The following MYRFL variants were observed in gnomAD, a reference collection of about 807,000 sequenced individuals.
The protein encoded by MYRFL is myelin regulatory factor-like protein.
A neutral mutation model predicts 109.4 loss-of-function variants in MYRFL; 88 were observed. The observed-to-expected ratio is 0.80, with a 90% CI of 0.68 to 0.96. The LOEUF (loss-of-function observed/expected upper bound fraction) is 0.96. Ranked by LOEUF, MYRFL falls within the 40% of genes least tolerant of loss-of-function variation. The pLI, the probability that MYRFL is intolerant of heterozygous loss-of-function variation, is 0.00. For missense variants in MYRFL, 957 were observed against 954.9 expected (o/e 1.00, Z -0.03); for synonymous variants, 324 against 320.9 (o/e 1.01, Z -0.10).
chr12:69,845,306 T>C (rs1482745692), intron 1 of MYRFL, among the ~76,000 whole-genome samples: 1 of 152,192 alleles, frequency 6.6e-6, no homozygotes. Flanking sequence ...CAGAACTTTG[T>C]GCAATGCTTG....
chr12:69,840,386 AT>A (rs1354683757), intron 1 of MYRFL, among the ~76,000 whole-genome samples: 5 of 152,212 alleles, frequency 3.3e-5, no homozygotes, highest in Non-Finnish European at 7.3e-5. Context: ...TGATTCTAGC[AT>A]AATTTCCTCT....
Position 69,958,428 on chromosome 12 carries a change from T to C in MYRFL, c.2647-17T>C, listed in dbSNP as rs1956143530. ...TTTACATTAATCTTCCTTTTTTTTTTTCTCCTTTTCTGACAGGATTTAGCT... is the reference window on the plus strand; with the variant it reads ...TTTACATTAATCTTCCTTTTTTTTTCTCTCCTTTTCTGACAGGATTTAGCT... On this transcript the variant is annotated splice_polypyrimidine_tract_variant and intron_variant, in intron 24 of 24. Coordinates refer to ENST00000552032, the MANE Select transcript of MYRFL (RefSeq NM_182530.3). 4.0e-6 allele frequency: 6 copies of C among 1,516,696 alleles called. No homozygotes were observed. The highest frequency in any genetic ancestry group is 1.7e-4 in the Middle Eastern group (1 of 5,870). The allele number at this position is 1,516,696 out of a possible 1,614,324, so 94.0% of individuals were successfully genotyped here. A position where few individuals can be genotyped will look rare whatever the true frequency, so the allele number is the denominator to read the frequency against.
chr12:69,892,040 A>G (rs1341038272), intron 7 of MYRFL, among the ~76,000 whole-genome samples: 1 of 152,192 alleles, frequency 6.6e-6, no homozygotes, highest in African/African-American at 2.4e-5. Flanking sequence ...TGATAGTTTT[A>G]TAGTTTTCAG....
chr12:69,859,748 A>G (rs1242458698), intron 2 of MYRFL, among the ~76,000 whole-genome samples: 1 of 152,190 alleles, frequency 6.6e-6, no homozygotes, highest in African/African-American at 2.4e-5. Context: ...TAGAATGGCA[A>G]TCATTAAAAA....
chr12:69,840,682 C>T (rs1883194879), intron 1 of MYRFL, among the ~76,000 whole-genome samples: 1 of 152,178 alleles, frequency 6.6e-6, no homozygotes, highest in Admixed American at 6.5e-5. Context: ...CGAGAGTCTC[C>T]TAATCTGCCG....
At chr12:69,866,736 T>G (rs533884160) in intron 2 of MYRFL, among the ~76,000 whole-genome samples, 2 of 152,286 alleles carry the variant, frequency 1.3e-5, no homozygotes, top group South Asian at 2.1e-4. Flanking sequence ...AGGCAGATTT[T>G]CAGATCTTAA....
intron 1 of MYRFL, among the ~76,000 whole-genome samples, chr12:69,851,874 C>G (rs924399921): frequency 1.3e-5 from 2 of 152,134 alleles, no homozygotes; most frequent in African/African-American, 4.8e-5. Context: ...GTTGCCCAGG[C>G]TGGTCTCCAA....
intron 19 of MYRFL, among the ~76,000 whole-genome samples, chr12:69,947,334 A>G (rs2068155): frequency 0.31 from 47,594 of 151,950 alleles, 7,782 homozygotes; most frequent in East Asian, 0.48. Flanking sequence ...AGGGAAATCA[A>G]CATTTTTATG....
intron 5 of MYRFL, among the ~76,000 whole-genome samples, 191 bp from the exon 6 acceptor site, chr12:69,886,629 A>G (rs1732696): frequency 0.38 from 57,531 of 151,836 alleles, 12,041 homozygotes; most frequent in East Asian, 0.71. Flanking sequence ...CCCTTTGACA[A>G]CGCTGACCCC....
rs1243286097 is a variant in MYRFL at position 69,901,339 on chromosome 12, G to A, written c.1183-2305G>A. ...TGAAGGTTGTGGATTCCAGAGAAAG[G>A]AAATAAGTTCACAGATCTTATGAGA... On this transcript the variant is annotated intron_variant, in intron 10 of 24. Transcript: ENST00000552032. 2.6e-5 allele frequency among the ~76,000 whole-genome samples: 4 copies of A among 152,172 alleles called. No individual in the cohort carries two copies. The East Asian group carries it at 7.7e-4, about 29-fold the overall frequency.
intron 1 of MYRFL, among the ~76,000 whole-genome samples, chr12:69,832,410 T>C (rs1882685017): frequency 6.6e-6 from 1 of 152,152 alleles, no homozygotes; most frequent in Non-Finnish European, 1.5e-5. Flanking sequence ...AGTGGCTTCT[T>C]CTCTAGATGA....
chr12:69,906,899 G>A (rs778535362), intron 11 of MYRFL, among the ~76,000 whole-genome samples: 6 of 152,202 alleles, frequency 3.9e-5, no homozygotes, highest in Non-Finnish European at 5.9e-5. Context: ...TAGAAACCTT[G>A]GGTGTGAGGC....
chr12:69,936,353 C>T lies in MYRFL; in HGVS notation c.2044+18C>T. On this transcript the variant is annotated intron_variant, in intron 18 of 24. Coordinates refer to ENST00000552032, the MANE Select transcript of MYRFL (RefSeq NM_182530.3). ...CTCCTCAGGTAAAGGCTTCACATTC[C>T]TCACCCTCAAACCCGGTTTCAAGTG... 6.5e-7 allele frequency: 1 copy of T among 1,535,560 alleles called. No individual in the cohort carries two copies. Among genetic ancestry groups the T allele is most frequent in the Non-Finnish European group, 8.7e-7 (1 of 1,146,712 alleles).
At chr12:69,935,140 G>A (rs116778882) in intron 16 of MYRFL, among the ~76,000 whole-genome samples, 60 of 152,310 alleles carry the variant, frequency 3.9e-4, no homozygotes, top group African/African-American at 1.4e-3. Flanking sequence ...GCAACCAGCT[G>A]CTGCTGAGAA....
At chr12:69,872,723 G>A (rs1425238139) in intron 2 of MYRFL, among the ~76,000 whole-genome samples, 5 of 151,856 alleles carry the variant, frequency 3.3e-5, no homozygotes, top group African/African-American at 4.8e-5. Context: ...CTGGTCTTAG[G>A]CTCCTGACCT....
In MYRFL at chr12:69,926,642, A is replaced by T; in HGVS notation, c.1674A>T (p.Arg558Ser). 6.5e-7 allele frequency: 1 copy of T among 1,531,016 alleles called. No homozygotes were observed. The allele number at this position is 1,531,016 out of a possible 1,614,324, so 94.8% of individuals were successfully genotyped here. A position where few individuals can be genotyped will look rare whatever the true frequency, so the allele number is the denominator to read the frequency against. ...AACTAACTAACAACCTTGAGGAAAG[A>T]ATAGAAGAGTTAGAAATATGGAACA... is the stretch of plus-strand genomic sequence containing the variant. ...LCKLTNNLEE[R>S]IEELEIWNRK... Residue 558 changes from arginine (R) to serine (S), a missense_variant, in exon 14 of 25, where the codon AGA becomes AGT. Coordinates refer to ENST00000552032, the MANE Select transcript of MYRFL (RefSeq NM_182530.3).
chr12:69,923,520 T>C (rs75521030), intron 13 of MYRFL, among the ~76,000 whole-genome samples: 9,000 of 152,238 alleles, frequency 0.059, 377 homozygotes, highest in Non-Finnish European at 0.089. Context: ...ATTTTATGTT[T>C]ATATCTCTTT....
intron 1 of MYRFL, among the ~76,000 whole-genome samples, chr12:69,846,227 T>C (rs1423818091): frequency 6.6e-6 from 1 of 150,588 alleles, no homozygotes; most frequent in Non-Finnish European, 1.5e-5. Context: ...TTAGGGTACA[T>C]GTGCACAATG....
intron 13 of MYRFL, among the ~76,000 whole-genome samples, chr12:69,921,566 A>G (rs929782252): frequency 5.3e-5 from 8 of 152,224 alleles, no homozygotes; most frequent in Admixed American, 2.6e-4. Context: ...ATATTTCAGT[A>G]AGAGTCAACC....
Sources: gnomAD v4.1 joint callset for allele counts (sites outside exome capture counted in the v4.1 genomes callset) on GRCh38, gnomAD v4.1.1 for gene constraint, MANE v1.5 for transcripts, NCBI Gene and HGNC (gene_info 2026-07-23, HGNC 2026-07-21) for gene names.